SGCD: variants seen among roughly 807,000 people sequenced by gnomAD.
SGCD encodes delta-sarcoglycan.
A neutral mutation model predicts 36.6 loss-of-function variants in SGCD; 18 were observed. The observed-to-expected ratio is 0.49, with a 90% CI of 0.34 to 0.73. The LOEUF is 0.73. Ranked by LOEUF, SGCD falls within the 30% of genes least tolerant of loss-of-function variation. The pLI, the probability that SGCD is intolerant of heterozygous loss-of-function variation, is 0.01. For missense variants in SGCD, 387 were observed against 346.7 expected (o/e 1.12, Z -0.92); for synonymous variants, 133 against 130.6 (o/e 1.02, Z -0.12).
At chr5:156,634,616 G>A (rs1235473075) in intron 6 of SGCD, among the ~76,000 whole-genome samples, 4 of 152,066 alleles carry the variant, frequency 2.6e-5, no homozygotes, top group African/African-American at 9.7e-5. Flanking sequence ...GGGGCTCAGG[G>A]GATGGATGGA....
chr5:156,081,806 TAAG>T (rs1760960031), intron 1 of SGCD, among the ~76,000 whole-genome samples: 1 of 152,118 alleles, frequency 6.6e-6, no homozygotes, highest in Non-Finnish European at 1.5e-5. Flanking sequence ...GGAAGAATAA[TAAG>T]GAGAAAAATC....
intron 4 of SGCD, among the ~76,000 whole-genome samples, chr5:156,558,875 G>C (rs1005149985): frequency 1.3e-5 from 2 of 152,164 alleles, no homozygotes; most frequent in Non-Finnish European, 2.9e-5. Context: ...TGAGTAAAAA[G>C]ACGATCAGGT....
At chr5:156,168,541 C>T (rs1763265884) in intron 3 of SGCD, among the ~76,000 whole-genome samples, 1 of 152,186 alleles carries the variant, frequency 6.6e-6, no homozygotes, top group Admixed American at 6.5e-5. Flanking sequence ...TGCCAGTGCA[C>T]TCCAGCCGAA....
chr5:155,867,728 A>G (rs1035131445), upstream of SGCD, among the ~76,000 whole-genome samples: 2 of 152,192 alleles, frequency 1.3e-5, no homozygotes. Flanking sequence ...CATAGTAATA[A>G]GAATAATGAT....
chr5:156,268,957 A>G (rs1390813681), intron 3 of SGCD, among the ~76,000 whole-genome samples: 2 of 152,032 alleles, frequency 1.3e-5, no homozygotes, highest in Non-Finnish European at 2.9e-5. Context: ...TATTGGCTGC[A>G]TGTATGTCTT....
At chr5:156,406,033 A>AAAAAAAAAAAAAAAAAAAAAAAAAAC in intron 3 of SGCD, among the ~76,000 whole-genome samples, 1 of 151,344 alleles carries the variant, frequency 6.6e-6, no homozygotes, top group African/African-American at 2.4e-5. Flanking sequence ...AAAAAAAAAA[A>AAAAAAAAAAAAAAAAAAAAAAAAAAC]AGGCCTCTGG....
chr5:156,678,037 G>T (rs1225975925), intron 7 of SGCD, among the ~76,000 whole-genome samples: 4 of 152,144 alleles, frequency 2.6e-5, no homozygotes, highest in Non-Finnish European at 5.9e-5. Flanking sequence ...GGGACCAGCT[G>T]GGGAGTTTAA....
In SGCD at chr5:156,566,328, G is replaced by T. The variant is rs1759476379; in HGVS notation, c.295-22903G>T. ...TTAACTTCTGAAAGTTACTCATGTGGCTTATTTTACCTGTTTTAGATGGCA... is the reference window on the plus strand; with the variant it reads ...TTAACTTCTGAAAGTTACTCATGTGTCTTATTTTACCTGTTTTAGATGGCA... On this transcript the variant is annotated intron_variant, in intron 4 of 8. Coordinates refer to ENST00000337851, the MANE Select transcript of SGCD (RefSeq NM_000337.6). Among the ~76,000 whole-genome samples the T allele has an allele frequency of 3.9e-5, 6 of 152,116 alleles. No individual in the cohort carries two copies. The South Asian group carries it at 1.2e-3, about 32-fold the overall frequency.
chr5:155,893,014 T>A (rs904014402), intron 1 of SGCD, among the ~76,000 whole-genome samples: 1 of 152,164 alleles, frequency 6.6e-6, no homozygotes, highest in Non-Finnish European at 1.5e-5. Flanking sequence ...GGTACAAAGT[T>A]GCAATTGGGT....
chr5:156,217,186 G>A (rs764130175), intron 3 of SGCD, among the ~76,000 whole-genome samples: 9 of 152,180 alleles, frequency 5.9e-5, no homozygotes, highest in South Asian at 2.1e-4. Context: ...AACAGGGTAC[G>A]TGACTCTTTA....
At chr5:156,552,606 G>T (rs78219657) in intron 4 of SGCD, among the ~76,000 whole-genome samples, 2,671 of 152,226 alleles carry the variant, frequency 0.018, 31 homozygotes, top group Non-Finnish European at 0.029. Flanking sequence ...CCTGTGAATG[G>T]AGGAACATCC....
chr5:156,294,187 A>G (rs536955729), intron 3 of SGCD, among the ~76,000 whole-genome samples: 3 of 152,070 alleles, frequency 2.0e-5, no homozygotes, highest in African/African-American at 7.2e-5. Context: ...TCGACTTTGT[A>G]TCCTTTTACT....
At chr5:155,875,753 C>T (rs1164055824) in intron 1 of SGCD, among the ~76,000 whole-genome samples, 1 of 151,808 alleles carries the variant, frequency 6.6e-6, no homozygotes. Context: ...GACAGTTCTG[C>T]CATGTTCTTT....
chr5:155,818,250 C>T, the SGCD span, among the ~76,000 whole-genome samples: 1 of 152,048 alleles, frequency 6.6e-6, no homozygotes, highest in Admixed American at 6.5e-5. Context: ...GGTGGGGGGC[C>T]AGCAGGACTC....
intron 4 of SGCD, among the ~76,000 whole-genome samples, chr5:156,553,488 C>G (rs928687365): frequency 6.6e-6 from 1 of 151,984 alleles, no homozygotes. Context: ...TAAAATTCAC[C>G]TTTGAGAATA....
At chr5:155,939,178 T>C (rs902537686) in intron 1 of SGCD, among the ~76,000 whole-genome samples, 60 of 152,214 alleles carry the variant, frequency 3.9e-4, no homozygotes, top group African/African-American at 1.3e-3. Context: ...ATTGTATTCT[T>C]GAAAATTGCT....
At chr5:156,175,815 C>G (rs1181239982) in intron 3 of SGCD, among the ~76,000 whole-genome samples, 17 of 151,892 alleles carry the variant, frequency 1.1e-4, no homozygotes, top group Non-Finnish European at 7.4e-5. Flanking sequence ...TCAATAATAA[C>G]AAAAGTAAAT....
intron 4 of SGCD, among the ~76,000 whole-genome samples, chr5:156,583,248 C>T (rs1760355842): frequency 6.6e-6 from 1 of 152,148 alleles, no homozygotes; most frequent in African/African-American, 2.4e-5. Flanking sequence ...CAAAGCTGAA[C>T]CTTCAAGCCC....
chr5:156,645,128 C>T (rs950828441), intron 6 of SGCD, among the ~76,000 whole-genome samples: 27 of 151,998 alleles, frequency 1.8e-4, no homozygotes, highest in African/African-American at 5.8e-4. Context: ...TTTTGAGAGA[C>T]ATTAAATTGA....
Sources: allele counts gnomAD v4.1 joint callset (sites outside exome capture counted in the v4.1 genomes callset), GRCh38; gene constraint gnomAD v4.1.1; transcripts MANE v1.5; gene names NCBI Gene and HGNC (gene_info 2026-07-23, HGNC 2026-07-21).